TNPO1: variants seen among roughly 807,000 people sequenced by gnomAD.
TNPO1 encodes the protein transportin-1.
In TNPO1, 8 loss-of-function variants were observed where a neutral mutation model predicts 119.5. The observed-to-expected ratio is 0.07, with a 90% CI of 0.04 to 0.12. TNPO1 has a LOEUF of 0.12. TNPO1 is among the 10% of genes least tolerant of loss of function. The probability of loss-of-function intolerance (pLI) is 1.00; values close to 1 mark genes in which losing one functional copy is unlikely to be tolerated. For missense variants in TNPO1, 576 were observed against 1,089.8 expected (o/e 0.53, Z 6.64); for synonymous variants, 362 against 363.0 (o/e 1.00, Z 0.03).
In TNPO1 at chr5:72,822,773, A is replaced by T. The variant is rs561791325; in HGVS notation, c.15+6021A>T. 8.6e-5 allele frequency among the ~76,000 whole-genome samples: 13 copies of T among 151,746 alleles called. No individual in the cohort carries two copies. The South Asian group carries it at 2.3e-3, about 27-fold the overall frequency. ...ATGCCCAGCTGATTTTTTGTATTTTAGTAGAGATGGGGTTTCACTGTGCTG... is the reference window on the plus strand; with the variant it reads ...ATGCCCAGCTGATTTTTTGTATTTTTGTAGAGATGGGGTTTCACTGTGCTG... On this transcript the variant is annotated intron_variant, in intron 1 of 24. Transcript: ENST00000337273.
intron 4 of TNPO1, among the ~76,000 whole-genome samples, chr5:72,860,773 G>C (rs1036160189): frequency 6.6e-6 from 1 of 152,202 alleles, no homozygotes; most frequent in East Asian, 1.9e-4. Context: ...TCTGGTTCCA[G>C]ATTAAGTCAG....
chr5:72,830,538 G>T (rs146468714), intron 1 of TNPO1, among the ~76,000 whole-genome samples: 1 of 152,264 alleles, frequency 6.6e-6, no homozygotes, highest in African/African-American at 2.4e-5. Context: ...GTAGTTTCCA[G>T]CTGTGAGATC....
chr5:72,845,867 G>T (rs1745103330), intron 1 of TNPO1, among the ~76,000 whole-genome samples: 1 of 152,128 alleles, frequency 6.6e-6, no homozygotes, highest in South Asian at 2.1e-4. Context: ...TTAGTTTCTT[G>T]TTTAAAAGGG....
intron 7 of TNPO1, 85 bp from the exon 8 acceptor site, chr5:72,875,526 GTTTC>G (rs1188860363): frequency 6.9e-7 from 1 of 1,442,760 alleles, no homozygotes; most frequent in Non-Finnish European, 9.4e-7. Context: ...CCTTTGTAGG[GTTTC>G]TTTAAATGTC....
In TNPO1 at chr5:72,878,911, A is replaced by G. The variant is rs577971583; in HGVS notation, c.920+1565A>G. The G allele has an allele frequency of 4.4e-4, 227 of 513,090 alleles. 3 individuals are homozygous for G. Among genetic ancestry groups the G allele is most frequent in the South Asian group, 2.0e-3 (134 of 67,758 alleles). 31.8% of individuals were successfully genotyped at this position (513,090 alleles called of 1,614,324 possible). A position where few individuals can be genotyped will look rare whatever the true frequency, so the allele number is the denominator to read the frequency against. ...CAGCATCACTCAGATTTTGTGTCCA[A>G]TGGTCTCAGCAGGAAGATTGCTTTG... On this transcript the variant is annotated intron_variant, in intron 9 of 24. Coordinates refer to ENST00000337273, the MANE Select transcript of TNPO1 (RefSeq NM_002270.4).
intron 1 of TNPO1, among the ~76,000 whole-genome samples, chr5:72,824,105 G>C (rs950391815): frequency 6.6e-6 from 1 of 152,136 alleles, no homozygotes; most frequent in African/African-American, 2.4e-5. Flanking sequence ...CTTCCTGCCT[G>C]TTACCTTAGA....
At chr5:72,872,484 C>T (rs775491607) in intron 6 of TNPO1, among the ~76,000 whole-genome samples, 155 bp from the exon 7 acceptor site, 13 of 152,246 alleles carry the variant, frequency 8.5e-5, no homozygotes, top group Middle Eastern at 6.8e-3. Context: ...CATTCAAATT[C>T]TTTCCTTGTT....
Position 72,896,574 on chromosome 5 carries a change from A to G in TNPO1, c.2242+18A>G, listed in dbSNP as rs750422861. 3.9e-5 allele frequency: 63 copies of G among 1,601,180 alleles called. No homozygotes were observed. The highest frequency in any genetic ancestry group is 5.3e-5 in the Non-Finnish European group (62 of 1,171,752). ...TCAAATGGGTAAGATGTTTTTCCCT[A>G]TTTAAAAGCATAAGGCCTGGCGCGG... On this transcript the variant is annotated intron_variant, in intron 19 of 24. Coordinates refer to ENST00000337273, the MANE Select transcript of TNPO1 (RefSeq NM_002270.4).
intron 6 of TNPO1, among the ~76,000 whole-genome samples, chr5:72,871,030 C>T (rs917898333): frequency 1.3e-5 from 2 of 152,082 alleles, no homozygotes; most frequent in African/African-American, 2.4e-5. Context: ...AGTACAGTGG[C>T]GCGATCTCGG....
intron 1 of TNPO1, among the ~76,000 whole-genome samples, chr5:72,820,515 C>T (rs1294445823): frequency 6.6e-6 from 1 of 152,134 alleles, no homozygotes; most frequent in Non-Finnish European, 1.5e-5. Flanking sequence ...CATACATTGT[C>T]ACTTTCATGT....
At position 72,906,275 on chromosome 5, in the gene TNPO1, CTTTTTTTTTTTTT is replaced by C. The variant is rs869051297; in HGVS notation, c.*35+856_*35+868del. Among the ~76,000 whole-genome samples, 14 of 54,690 alleles carry C rather than the reference CTTTTTTTTTTTTT, an allele frequency of 2.6e-4. No homozygotes were observed. In the East Asian group the frequency reaches 4.1e-3, roughly 16 times the overall value. 35.9% of individuals were successfully genotyped at this position (54,690 alleles called of 152,430 possible). ...CCATGTGCCCATCACTTTTTTTTTT[CTTTTTTTTTTTTT>C]TTTTTTTTTTTTTTTTTTTTTTTTT... On this transcript the variant is annotated intron_variant, in intron 24 of 24. Transcript: ENST00000337273.
rs3797347 is a variant in TNPO1, at chr5:72,828,884, G to A, written c.15+12132G>A. 3.0e-4 allele frequency among the ~76,000 whole-genome samples: 46 copies of A among 152,276 alleles called. No homozygotes were observed. The East Asian group carries it at 8.5e-3, about 28-fold the overall frequency. On this transcript the variant is annotated intron_variant, in intron 1 of 24. Transcript: ENST00000337273. ...TATAACTCTTCATAATGGTAGATCA[G>A]TTTAATATGTCATCCTGATAAACAT... is the stretch of plus-strand genomic sequence containing the variant.
At chr5:72,819,024 C>T (rs114664589) in intron 1 of TNPO1, among the ~76,000 whole-genome samples, 16 of 152,218 alleles carry the variant, frequency 1.1e-4, no homozygotes, top group African/African-American at 3.1e-4. Context: ...TGCCTTAATC[C>T]GTATTGTGTT....
chr5:72,853,160 G>A (rs1745717682), intron 3 of TNPO1, among the ~76,000 whole-genome samples: 1 of 152,096 alleles, frequency 6.6e-6, no homozygotes. Flanking sequence ...GGGATATAAG[G>A]ATACCTCAGG....
rs1274273684 is a variant in TNPO1, at chr5:72,874,106, C to T, written c.678+1386C>T. Among the ~76,000 whole-genome samples, 3 of 152,060 alleles carry T rather than the reference C, an allele frequency of 2.0e-5. No individual in the cohort carries two copies. In the East Asian group the frequency reaches 5.8e-4, roughly 29 times the overall value. On this transcript the variant is annotated intron_variant, in intron 7 of 24. Coordinates refer to ENST00000337273, the MANE Select transcript of TNPO1 (RefSeq NM_002270.4). ...CAAGTGAGGCAGAAACATTTTCTAA[C>T]ATTTTAAAATATTTTGCTTTACTAT...
At chr5:72,864,223 T>C (rs34667) in intron 5 of TNPO1, among the ~76,000 whole-genome samples, 125,151 of 152,060 alleles carry the variant, frequency 0.82, 51,755 homozygotes, top group Non-Finnish European at 0.86. Flanking sequence ...AAATTGAAGT[T>C]TGAAATTTAA....
intron 5 of TNPO1, among the ~76,000 whole-genome samples, chr5:72,862,868 G>C (rs1746565280): frequency 6.6e-6 from 1 of 151,982 alleles, no homozygotes; most frequent in Non-Finnish European, 1.5e-5. Flanking sequence ...GGCTGGTCTT[G>C]AACTCCTGGA....
At position 72,855,938 on chromosome 5, in the gene TNPO1, A is replaced by C; in HGVS notation, c.355+15A>C. 6.2e-7 allele frequency: 1 copy of C among 1,611,888 alleles called. No homozygotes were observed. Among genetic ancestry groups the C allele is most frequent in the Non-Finnish European group, 8.5e-7 (1 of 1,179,026 alleles). On this transcript the variant is annotated intron_variant, in intron 4 of 24. Transcript: ENST00000337273. ...AGCCACTGTTGGTAAGTTATATTAC[A>C]ACAGTTTTGCTTACTTTGTTTGTAA...
chr5:72,907,654 G>C (rs572835826), intron 24 of TNPO1, among the ~76,000 whole-genome samples: 5 of 152,128 alleles, frequency 3.3e-5, no homozygotes, highest in African/African-American at 9.6e-5. Context: ...GTTTAGCATA[G>C]AAAAAAGTTC....
Sources: gnomAD v4.1 joint callset for allele counts (sites outside exome capture counted in the v4.1 genomes callset) on GRCh38, gnomAD v4.1.1 for gene constraint, MANE v1.5 for transcripts, NCBI Gene and HGNC (gene_info 2026-07-23, HGNC 2026-07-21) for gene names.